ATXN7L1: variants seen among roughly 807,000 people sequenced by gnomAD.
ATXN7L1 encodes ataxin-7-like protein 1.
ATXN7L1 carries 15 observed loss-of-function variants against 70.8 expected under a neutral mutation model. That is an observed-to-expected ratio of 0.21 (90% CI 0.14 to 0.33). The LOEUF (loss-of-function observed/expected upper bound fraction) is 0.33. Ranked by LOEUF, ATXN7L1 falls within the 10% of genes least tolerant of loss-of-function variation. The pLI, the probability that ATXN7L1 is intolerant of heterozygous loss-of-function variation, is 1.00. For synonymous variants in ATXN7L1, 440 were observed against 445.1 expected (o/e 0.99, Z 0.14); for missense variants, 975 against 1,097.1 (o/e 0.89, Z 1.57).
chr7:105,759,625 A>T (rs548633894), intron 3 of ATXN7L1, among the ~76,000 whole-genome samples: 2 of 152,280 alleles, frequency 1.3e-5, no homozygotes, highest in African/African-American at 4.8e-5. Flanking sequence ...CCCTGTCTAC[A>T]CATCCAGCAC....
At chr7:105,710,401 C>CTTTTTT (rs34003989) in intron 3 of ATXN7L1, among the ~76,000 whole-genome samples, 4 of 78,130 alleles carry the variant, frequency 5.1e-5, no homozygotes, top group Non-Finnish European at 9.2e-5. Flanking sequence ...GTGCCATGCA[C>CTTTTTT]TTTTTTTTTT....
In ATXN7L1 at chr7:105,835,149, GTTTTTTTTTTT is replaced by G. The variant is rs10587073; in HGVS notation, c.250+40652_250+40662del. Among the ~76,000 whole-genome samples, 10 of 67,330 alleles carry G rather than the reference GTTTTTTTTTTT, an allele frequency of 1.5e-4. 1 individual carries two copies. Among genetic ancestry groups the G allele is most frequent in the East Asian group, 4.1e-4 (1 of 2,450 alleles). 44.2% of individuals were successfully genotyped at this position (67,330 alleles called of 152,430 possible). ...TTTTTTAATAATTTATAAGTGTGTG[GTTTTTTTTTTT>G]TTTTTTTTTTTTGAGAAAGGGTCTC... On this transcript the variant is annotated intron_variant, in intron 2 of 11. Coordinates refer to ENST00000419735, the MANE Select transcript of ATXN7L1 (RefSeq NM_020725.2).
At chr7:105,783,889 T>C (rs1306149910) in intron 3 of ATXN7L1, among the ~76,000 whole-genome samples, 1 of 152,166 alleles carries the variant, frequency 6.6e-6, no homozygotes, top group Admixed American at 6.5e-5. Context: ...GACTGGCATC[T>C]GAAGTGGGGA....
At chr7:105,638,268 A>G (rs1165565833) in intron 7 of ATXN7L1, 85 bp downstream of exon 7, 4 of 1,430,234 alleles carry the variant, frequency 2.8e-6, no homozygotes, top group Non-Finnish European at 3.7e-6. Flanking sequence ...TCCATTTAAC[A>G]TATAATCAGA....
At chr7:105,754,633 A>T (rs1478870262) in intron 3 of ATXN7L1, among the ~76,000 whole-genome samples, 1 of 151,802 alleles carries the variant, frequency 6.6e-6, no homozygotes, top group East Asian at 1.9e-4. Context: ...CATATTTTAA[A>T]TTTTTTTGTA....
At chr7:105,625,037 C>T (rs550123141) in intron 7 of ATXN7L1, among the ~76,000 whole-genome samples, 11 of 152,210 alleles carry the variant, frequency 7.2e-5, no homozygotes, top group African/African-American at 2.4e-4. Context: ...GGGCAATCAC[C>T]AAAAATATCA....
chr7:105,638,217 A>C, intron 7 of ATXN7L1, 136 bp downstream of exon 7: 5 of 1,241,086 alleles, frequency 4.0e-6, no homozygotes, highest in Non-Finnish European at 5.5e-6. Context: ...TATCTCATTT[A>C]AACTTTACTA....
intron 3 of ATXN7L1, among the ~76,000 whole-genome samples, chr7:105,683,258 C>T (rs1396140125): frequency 6.6e-6 from 1 of 152,220 alleles, no homozygotes; most frequent in African/African-American, 2.4e-5. Flanking sequence ...TCTGAGTTTA[C>T]ATCCTCCCTA....
chr7:105,611,931 G>C (rs985699703), intron 10 of ATXN7L1, among the ~76,000 whole-genome samples: 2 of 152,192 alleles, frequency 1.3e-5, no homozygotes, highest in African/African-American at 4.8e-5. Context: ...CAAGCACCGA[G>C]GTATCACCTG....
At chr7:105,624,451 A>C (rs897147916) in intron 7 of ATXN7L1, among the ~76,000 whole-genome samples, 184 bp from the exon 8 acceptor site, 1 of 152,156 alleles carries the variant, frequency 6.6e-6, no homozygotes, top group East Asian at 1.9e-4. Context: ...GGAGATCGAG[A>C]CCATCCTGGC....
At chr7:105,620,177 T>C (rs1794718773) in intron 9 of ATXN7L1, 23 bp downstream of exon 9, 12 of 1,550,266 alleles carry the variant, frequency 7.7e-6, no homozygotes, top group Admixed American at 2.0e-5. Context: ...GGATCTTATA[T>C]TGCACAAAAG....
At chr7:105,651,888 T>C (rs1439259136) in intron 4 of ATXN7L1, among the ~76,000 whole-genome samples, 2 of 152,164 alleles carry the variant, frequency 1.3e-5, no homozygotes, top group Non-Finnish European at 2.9e-5. Flanking sequence ...AATAACTCTA[T>C]AAGCCCCCCT....
intron 2 of ATXN7L1, among the ~76,000 whole-genome samples, chr7:105,841,417 C>A (rs1391116039): frequency 1.3e-5 from 2 of 152,196 alleles, no homozygotes; most frequent in African/African-American, 4.8e-5. Flanking sequence ...CAATCATGGT[C>A]CAAAAATATT....
intron 2 of ATXN7L1, among the ~76,000 whole-genome samples, chr7:105,806,938 C>T (rs941120750): frequency 2.0e-5 from 3 of 152,212 alleles, no homozygotes; most frequent in Non-Finnish European, 4.4e-5. Flanking sequence ...TTACTTGTTT[C>T]AATTTTAAAC....
Position 105,876,545 on chromosome 7 carries a change from C to G in ATXN7L1, c.14G>C (p.Arg5Pro). The change falls in exon 1 of 12, where the codon CGT becomes CCT. Residue 5 changes from arginine to proline, a missense_variant. Physicochemically the swap from Arg to Pro is moderately radical, Grantham distance 103. Around this residue, in one of 5 missense-constraint regions of ATXN7L1, gnomAD observed 135 missense variants for 132.6 expected, o/e 1.02. Transcript: ENST00000419735. Reference sequence around the variant, plus strand: ...AGCCGAGAGACACGGGATTCGAGAACGCTCCGACGTCATCTTCGGAACGTT... The same window carrying G: ...AGCCGAGAGACACGGGATTCGAGAAGGCTCCGACGTCATCTTCGGAACGTT... MTSE[R>P]SRIPCLSAAA... 8 of 1,552,424 alleles carry G rather than the reference C, an allele frequency of 5.2e-6. 1 individual carries two copies. Among genetic ancestry groups the G allele is most frequent in the Non-Finnish European group, 7.0e-6 (8 of 1,140,594 alleles).
chr7:105,707,722 C>T (rs1343005590), intron 3 of ATXN7L1, among the ~76,000 whole-genome samples: 1 of 152,180 alleles, frequency 6.6e-6, no homozygotes, highest in Non-Finnish European at 1.5e-5. Flanking sequence ...CCCAAAGTGA[C>T]CTAAAAGGGC....
chr7:105,740,843 G>C (rs1322681291), intron 3 of ATXN7L1, among the ~76,000 whole-genome samples: 2 of 147,082 alleles, frequency 1.4e-5, no homozygotes, highest in Non-Finnish European at 3.0e-5. Flanking sequence ...TGGCTCACTG[G>C]AAGCTCCGCC....
rs1439724294 is a variant in ATXN7L1, at chr7:105,638,577, T to C, written c.978A>G (p.Pro326=). ...THSLSHRRAV[P]GRKKQFDLLL... is the part of the protein sequence containing the mutation. Reference sequence around the variant, plus strand: ...GGAGGTCAAATTGCTTTTTCCGGCCTGGGACTGCCCTCCGATGGCTTAGCG... The same window carrying C: ...GGAGGTCAAATTGCTTTTTCCGGCCCGGGACTGCCCTCCGATGGCTTAGCG... The change falls in exon 7 of 12, where the codon CCA becomes CCG. Residue 326 remains proline (P), a synonymous_variant. Transcript: ENST00000419735. 6 of 1,551,932 alleles carry C rather than the reference T, an allele frequency of 3.9e-6. No individual in the cohort carries two copies. The highest frequency in any genetic ancestry group is 1.2e-5 in the South Asian group (1 of 84,060).
intron 7 of ATXN7L1, among the ~76,000 whole-genome samples, chr7:105,636,510 T>G (rs1183000067): frequency 1.3e-5 from 2 of 150,932 alleles, no homozygotes; most frequent in Admixed American, 6.6e-5. Context: ...CACCCATCCT[T>G]TCCTGCTTCC....
Sources: gnomAD v4.1 joint callset for allele counts (sites outside exome capture counted in the v4.1 genomes callset) on GRCh38, gnomAD v4.1.1 for gene constraint, gnomAD v4.1.1 regional missense constraint, MANE v1.5 for transcripts, NCBI Gene and HGNC (gene_info 2026-07-23, HGNC 2026-07-21) for gene names.